SRSF1: variants seen among roughly 807,000 people sequenced by gnomAD.
SRSF1 encodes serine/arginine-rich splicing factor 1.
In SRSF1, 1 loss-of-function variant was observed where a neutral mutation model predicts 25.9. That is an observed-to-expected ratio of 0.04 (90% CI 0.01 to 0.18). SRSF1 has a LOEUF of 0.18. Among genes scored for constraint, SRSF1 ranks in the 10% least tolerant of loss-of-function variants. SRSF1 has a pLI of 1.00. For missense variants in SRSF1, 65 were observed against 350.5 expected, an observed-to-expected ratio of 0.19 and a Z score of 6.50; for synonymous variants, 132 against 126.2, an observed-to-expected ratio of 1.05 and a Z score of -0.31.
chr17:58,004,720 A>G lies in SRSF1; in HGVS notation c.*686T>C. ...AAACAAAAATGGGGGGAAGGGAGCAAAATAAGTTGCTACAAAATGGGCAAT... is the reference window on the plus strand; with the variant it reads ...AAACAAAAATGGGGGGAAGGGAGCAGAATAAGTTGCTACAAAATGGGCAAT... On this transcript the variant is annotated 3_prime_UTR_variant, in exon 4 of 4. Transcript: ENST00000258962. 2.8e-6 allele frequency: 1 copy of G among 356,934 alleles called. No individual in the cohort carries two copies. Among genetic ancestry groups the G allele is most frequent in the Non-Finnish European group, 5.0e-6 (1 of 199,644 alleles). The allele number at this position is 356,934 out of a possible 1,614,324, so 22.1% of individuals were successfully genotyped here.
chr17:57,989,366 A>G, the SRSF1 span: 21 of 398,418 alleles, frequency 5.3e-5, no homozygotes, highest in African/African-American at 4.1e-4. Flanking sequence ...TATCAGTGAT[A>G]TTTTTATAAA....
downstream of SRSF1, among the ~76,000 whole-genome samples, chr17:57,996,497 A>AAAAAAAAC (rs1555574755): frequency 1.1e-4 from 16 of 151,210 alleles, no homozygotes; most frequent in African/African-American, 1.7e-4. Flanking sequence ...AAAAAAAAAA[A>AAAAAAAAC]AAAAAACAGC....
intron 1 of SRSF1, 105 bp from the exon 2 acceptor site, chr17:58,006,632 G>T: frequency 7.6e-7 from 1 of 1,308,430 alleles, no homozygotes; most frequent in African/African-American, 1.5e-5. Context: ...ACGTGGAAGA[G>T]CCCACATGCG....
chr17:58,005,693 T>C lies in SRSF1; in HGVS notation c.553-93A>G. 5 of 1,607,642 alleles carry C rather than the reference T, an allele frequency of 3.1e-6. No individual in the cohort carries two copies. Among genetic ancestry groups the C allele is most frequent in the African/African-American group, 1.3e-5 (1 of 74,746 alleles). On this transcript the variant is annotated intron_variant, in intron 3 of 3. Coordinates refer to ENST00000258962, the MANE Select transcript of SRSF1 (RefSeq NM_006924.5). The surrounding 1 kb of genome is among the most constrained non-coding windows in gnomAD (Gnocchi z 5.2). Reference sequence around the variant, plus strand: ...AATACAATGTAACTAAAACCAGAAATCTGGCAATTTACTTGGACAACCTTG... The same window carrying C: ...AATACAATGTAACTAAAACCAGAAACCTGGCAATTTACTTGGACAACCTTG...
At chr17:58,006,032 G>A (rs2075424565) in intron 2 of SRSF1, 59 bp from the exon 3 acceptor site, 2 of 1,518,818 alleles carry the variant, frequency 1.3e-6, no homozygotes, top group Non-Finnish European at 1.8e-6. Context: ...CGTTAAGCTG[G>A]TAAGGTACAT....
chr17:58,007,214 G>A lies in SRSF1; in HGVS notation c.-77C>T. The A allele has an allele frequency of 1.2e-5, 18 of 1,545,238 alleles. No homozygotes were observed. Among genetic ancestry groups the A allele is most frequent in the Non-Finnish European group, 1.6e-5 (18 of 1,133,458 alleles). On this transcript the variant is annotated 5_prime_UTR_variant, in exon 1 of 4. Coordinates refer to ENST00000258962, the MANE Select transcript of SRSF1 (RefSeq NM_006924.5). ...CGCACGGCAGAGCGAGCCCGCAGCG[G>A]CACCACGTCTCCCGCGGCCCCTCCA...
chr17:57,999,127 G>A (rs1322646664), downstream of SRSF1, among the ~76,000 whole-genome samples: 1 of 152,122 alleles, frequency 6.6e-6, no homozygotes, highest in Non-Finnish European at 1.5e-5. Context: ...CTTAAGTGAG[G>A]CCTAGAAAAT....
At chr17:58,006,177 T>C in intron 2 of SRSF1, 166 bp downstream of exon 2, 6 of 1,017,884 alleles carry the variant, frequency 5.9e-6, no homozygotes, top group Non-Finnish European at 8.5e-6. Flanking sequence ...CAACCTAATT[T>C]GGTAAATCAC....
At chr17:58,006,004 C>G in intron 2 of SRSF1, 31 bp from the exon 3 acceptor site, 1 of 1,590,970 alleles carries the variant, frequency 6.3e-7, no homozygotes, top group Non-Finnish European at 8.5e-7. Context: ...TTCTTAGTAC[C>G]AATTATCTTA....
At chr17:58,000,512 CTGAG>C (rs954346673), downstream of SRSF1, among the ~76,000 whole-genome samples, 6 of 152,088 alleles carry the variant, frequency 3.9e-5, no homozygotes, top group Non-Finnish European at 7.4e-5. Context: ...TCTAGGATGC[CTGAG>C]TATTTGCTTC....
chr17:57,992,134 T>C, the SRSF1 span: 5 of 152,214 alleles, frequency 3.3e-5, no homozygotes, highest in African/African-American at 9.7e-5. Flanking sequence ...GCTTCATCCA[T>C]TAAAGCATTT....
Position 58,004,550 on chromosome 17 carries a change from T to C in SRSF1, c.*856A>G, listed in dbSNP as rs1357993296. 1 of 158,244 alleles carries C rather than the reference T, an allele frequency of 6.3e-6. No homozygotes were observed. The highest frequency in any genetic ancestry group is 6.5e-5 in the Admixed American group (1 of 15,454). The allele number at this position is 158,244 out of a possible 1,614,324, so 9.8% of individuals were successfully genotyped here. The stretch of plus-strand genomic sequence containing the variant: ...ATCAGTCACACAGAGGACATGCAGA[T>C]TTAGCAGTATTGATATTATACTCTA... On this transcript the variant is annotated 3_prime_UTR_variant, in exon 4 of 4. Coordinates refer to ENST00000258962, the MANE Select transcript of SRSF1 (RefSeq NM_006924.5).
chr17:58,000,194 C>A (rs887463276), downstream of SRSF1, among the ~76,000 whole-genome samples: 5 of 152,078 alleles, frequency 3.3e-5, no homozygotes, highest in Non-Finnish European at 5.9e-5. Context: ...TACAAGCTCA[C>A]AAGAACCCTC....
downstream of SRSF1, among the ~76,000 whole-genome samples, chr17:58,000,823 T>C (rs2075384473): frequency 6.6e-6 from 1 of 152,142 alleles, no homozygotes; most frequent in Non-Finnish European, 1.5e-5. Flanking sequence ...CTGTATTACA[T>C]AAAACCCTCA....
Position 58,002,152 on chromosome 17 carries a change from T to A in SRSF1, c.*3254A>T, listed in dbSNP as rs1467048998. ...AAAACTTCTTAGAATTTCAAGAATG[T>A]CATGTAAAATTATTCAAATTTTTAA... On this transcript the variant is annotated 3_prime_UTR_variant, in exon 4 of 4. Coordinates refer to ENST00000258962, the MANE Select transcript of SRSF1 (RefSeq NM_006924.5). Among the ~76,000 whole-genome samples the A allele has an allele frequency of 1.3e-5, 2 of 149,372 alleles. No homozygotes were observed. Among genetic ancestry groups the A allele is most frequent in the Admixed American group, 6.6e-5 (1 of 15,208 alleles).
chr17:58,006,665 C>T, intron 1 of SRSF1, 138 bp from the exon 2 acceptor site: 1 of 1,079,940 alleles, frequency 9.3e-7, no homozygotes, highest in South Asian at 1.7e-5. Flanking sequence ...AATGGCCCCT[C>T]CCCCACCCAG....
At chr17:57,990,383 TCAAA>T in the SRSF1 span, 8 of 151,188 alleles carry the variant, frequency 5.3e-5, no homozygotes, top group East Asian at 1.9e-4. Context: ...TGATTGCTCC[TCAAA>T]CATTCTTTAA....
At chr17:57,991,952 G>A in the SRSF1 span, 1 of 152,330 alleles carries the variant, frequency 6.6e-6, no homozygotes, top group African/African-American at 2.4e-5. Context: ...CATTTTCCTA[G>A]TAGACACTGA....
chr17:58,003,082 G>C lies in SRSF1; in HGVS notation c.*2324C>G, dbSNP rs983941884. ...TAATACTTACCTTTTTTTGAGATGA[G>C]TTTCATTGAGAATATCAAAAGCTAT... On this transcript the variant is annotated 3_prime_UTR_variant, in exon 4 of 4. Transcript: ENST00000258962. Among the ~76,000 whole-genome samples the C allele has an allele frequency of 6.6e-6, 1 of 152,090 alleles. No homozygotes were observed.
Sources: allele counts gnomAD v4.1 joint callset (sites outside exome capture counted in the v4.1 genomes callset), GRCh38; gene constraint gnomAD v4.1.1; non-coding constraint Gnocchi (gnomAD v3.1); transcripts MANE v1.5; gene names NCBI Gene and HGNC (gene_info 2026-07-23, HGNC 2026-07-21).